The following BOK variants were observed in gnomAD, a reference collection of about 807,000 sequenced individuals.
BOK encodes the protein BCL2 family apoptosis regulator BOK.
A neutral mutation model predicts 18.3 loss-of-function variants in BOK; 20 were observed. The observed-to-expected ratio is 1.09, with a 90% CI of 0.77 to 1.59. BOK has a LOEUF of 1.59. Among genes scored for constraint, BOK ranks in the 40% most tolerant of loss-of-function variants. The pLI is 0.00. For synonymous variants in BOK, 173 were observed against 142.4 expected (o/e 1.21, Z -1.53); for missense variants, 348 against 307.9 (o/e 1.13, Z -0.97).
rs745887207 is a variant in BOK at position 241,570,283 on chromosome 2, G to A, written c.508G>A (p.Gly170Arg). ...GGCAACCTGGCTGCGGAGACGCGGCGGATGGGTGAGCGCCTGAGTGCCCGT... is the reference window on the plus strand; with the variant it reads ...GGCAACCTGGCTGCGGAGACGCGGCAGATGGGTGAGCGCCTGAGTGCCCGT... Reference protein sequence around the residue: ...TLATWLRRRGGWTDVLKCVVS... With the variant: ...TLATWLRRRGRWTDVLKCVVS... Residue 170 changes from glycine (G) to arginine (R), a missense_variant, in exon 4 of 5, where the codon GGA (glycine) becomes AGA (arginine). Gly to Arg is a moderately radical substitution (Grantham distance 125, BLOSUM62 -2). Coordinates refer to ENST00000318407, the MANE Select transcript of BOK (RefSeq NM_032515.5). 73 of 1,555,394 alleles carry A rather than the reference G, an allele frequency of 4.7e-5. No homozygotes were observed. In the East Asian group the frequency reaches 5.8e-4, roughly 12 times the overall value.
rs779048473 is a variant in BOK, at chr2:241,559,589, C to T, written c.106C>T (p.Arg36Trp). 5.3e-6 allele frequency: 8 copies of T among 1,508,560 alleles called. No homozygotes were observed. The South Asian group carries it at 6.2e-5, about 12-fold the overall frequency. 93.4% of individuals were successfully genotyped at this position (1,508,560 alleles called of 1,614,324 possible). Residue 36 changes from arginine (R) to tryptophan (W), a missense_variant, in exon 2 of 5, where the codon CGG becomes TGG. By Grantham distance (101) the Arg-to-Trp change is moderately radical. Coordinates refer to ENST00000318407, the MANE Select transcript of BOK (RefSeq NM_032515.5). ...GGTGGCCCAGGCCAAGGCGCTGGGC[C>T]GGGAGTACGTGCACGCGCGGCTGCT... Reference protein sequence around the residue: ...ELVAQAKALGREYVHARLLRA... With the variant: ...ELVAQAKALGWEYVHARLLRA...
At chr2:241,553,605 A>C (rs549501850) in intron 1 of BOK, among the ~76,000 whole-genome samples, 1 of 152,168 alleles carries the variant, frequency 6.6e-6, no homozygotes, top group Non-Finnish European at 1.5e-5. Flanking sequence ...GGAGGAAGAG[A>C]GTGAAGCGGA....
At chr2:241,561,303 A>G (rs986604958) in intron 2 of BOK, among the ~76,000 whole-genome samples, 10 of 152,248 alleles carry the variant, frequency 6.6e-5, no homozygotes, top group Non-Finnish European at 8.8e-5. Flanking sequence ...CACAGGCAGC[A>G]CTGGGGCGGT....
chr2:241,562,003 G>T lies in BOK; in HGVS notation c.221-345G>T, dbSNP rs982701160. 6.6e-6 allele frequency among the ~76,000 whole-genome samples: 1 copy of T among 152,230 alleles called. No individual in the cohort carries two copies. The highest frequency in any genetic ancestry group is 2.1e-4 in the South Asian group (1 of 4,838). ...TGGTCCCTCCTGCTCTGGGCAGCTC[G>T]GCTGCCTGTCGGCTGTGAGTCACCA... On this transcript the variant is annotated intron_variant, in intron 2 of 4. Coordinates refer to ENST00000318407, the MANE Select transcript of BOK (RefSeq NM_032515.5). This position sits in a 1 kb window ranked among gnomAD's most constrained non-coding sequence, Gnocchi z 4.5.
At chr2:241,563,437 C>T (rs1045569225) in intron 3 of BOK, among the ~76,000 whole-genome samples, 4 of 152,148 alleles carry the variant, frequency 2.6e-5, no homozygotes, top group Admixed American at 6.5e-5. Flanking sequence ...GTGAGTGGTG[C>T]GCCGGCCCTG....
intron 3 of BOK, among the ~76,000 whole-genome samples, chr2:241,567,711 G>A (rs757978463): frequency 1.5e-5 from 2 of 135,190 alleles, no homozygotes; most frequent in Admixed American, 7.4e-5. Flanking sequence ...TGAAGGACAC[G>A]GGAAGTCACA....
At position 241,569,322 on chromosome 2, in the gene BOK, A is replaced by ATG. The variant is rs144137351; in HGVS notation, c.350-803_350-802insTG. On this transcript the variant is annotated intron_variant, in intron 3 of 4. Transcript: ENST00000318407. Reference sequence around the variant, plus strand: ...AATTTTTTGTGTATTTTTAGTAGAGACGGTTTCACCATGTTGGTCAGGCTG... The same window carrying ATG: ...AATTTTTTGTGTATTTTTAGTAGAGATGCGGTTTCACCATGTTGGTCAGGCTG... Among the ~76,000 whole-genome samples, 213 of 104,014 alleles carry ATG rather than the reference A, an allele frequency of 2.0e-3. 1 individual carries two copies. The highest frequency in any genetic ancestry group is 9.2e-3 in the African/African-American group (199 of 21,674). 68.2% of individuals were successfully genotyped at this position (104,014 alleles called of 152,430 possible).
chr2:241,556,001 C>T (rs2066447688), upstream of BOK, among the ~76,000 whole-genome samples: 2 of 152,314 alleles, frequency 1.3e-5, no homozygotes, highest in South Asian at 2.1e-4. Context: ...GACAGAGGTA[C>T]TTCAGGAACC....
At chr2:241,559,032 G>A (rs1455644987) in intron 1 of BOK, 39 bp downstream of exon 1, 2 of 151,716 alleles carry the variant, frequency 1.3e-5, no homozygotes, top group East Asian at 1.9e-4. Flanking sequence ...CGGGGTGCCC[G>A]GGGTGCCACG....
At position 241,566,216 on chromosome 2, in the gene BOK, G is replaced by A. The variant is rs1245788918; in HGVS notation, c.349+3740G>A. Among the ~76,000 whole-genome samples the A allele has an allele frequency of 2.0e-5, 3 of 152,096 alleles. No individual in the cohort carries two copies. In the South Asian group the frequency reaches 6.2e-4, roughly 32 times the overall value. On this transcript the variant is annotated intron_variant, in intron 3 of 4. Transcript: ENST00000318407. Reference sequence around the variant, plus strand: ...GGAGAATCGCTTGAACCCGGGAGGCGCAGGTTGCGGTGAGCCGAGATTGTG... The same window carrying A: ...GGAGAATCGCTTGAACCCGGGAGGCACAGGTTGCGGTGAGCCGAGATTGTG...
intron 3 of BOK, among the ~76,000 whole-genome samples, chr2:241,569,330 A>G (rs2066667706): frequency 6.6e-6 from 1 of 151,298 alleles, no homozygotes; most frequent in African/African-American, 2.4e-5. Flanking sequence ...AGACGGTTTC[A>G]CCATGTTGGT....
upstream of BOK, among the ~76,000 whole-genome samples, chr2:241,556,238 GA>G (rs1559197583): frequency 6.6e-6 from 1 of 152,102 alleles, no homozygotes; most frequent in South Asian, 2.1e-4. Context: ...CAGCTTTTCT[GA>G]AAAAGCAGCT....
At chr2:241,553,897 C>T (rs1414443580), upstream of BOK, among the ~76,000 whole-genome samples, 1 of 152,180 alleles carries the variant, frequency 6.6e-6, no homozygotes, top group Non-Finnish European at 1.5e-5. Flanking sequence ...GGGAGGGGGG[C>T]TCTGGAAGCC....
intron 4 of BOK, among the ~76,000 whole-genome samples, chr2:241,571,412 G>A (rs1213605812): frequency 1.3e-5 from 2 of 149,878 alleles, no homozygotes; most frequent in African/African-American, 4.8e-5. Context: ...GTAAATCAGC[G>A]GCCAGGGGTG....
chr2:241,552,899 G>A (rs1241809295), intron 1 of BOK, among the ~76,000 whole-genome samples: 1 of 152,208 alleles, frequency 6.6e-6, no homozygotes, highest in African/African-American at 2.4e-5. Context: ...GCCAGCCTGG[G>A]GCACGTGCAG....
Position 241,559,445 on chromosome 2 carries a change from G to C in BOK, c.-29-10G>C. ...CCTCCCTCCACCCGGCTGAGCGCTT[G>C]TGCCCGCAGGTGCGGCGCCCCCCAC... On this transcript the variant is annotated splice_polypyrimidine_tract_variant and intron_variant, in intron 1 of 4. Coordinates refer to ENST00000318407, the MANE Select transcript of BOK (RefSeq NM_032515.5). The C allele has an allele frequency of 2.9e-6, 4 of 1,398,784 alleles. No homozygotes were observed. Among genetic ancestry groups the C allele is most frequent in the Non-Finnish European group, 3.7e-6 (4 of 1,078,520 alleles). 86.6% of individuals were successfully genotyped at this position (1,398,784 alleles called of 1,614,324 possible).
intron 4 of BOK, 93 bp from the exon 5 acceptor site, chr2:241,572,204 G>A: frequency 6.5e-7 from 1 of 1,543,186 alleles, no homozygotes. Flanking sequence ...CAATTTTGCT[G>A]ATATTCTGGT....
chr2:241,554,316 G>T (rs1228345565), upstream of BOK, among the ~76,000 whole-genome samples: 1 of 134,314 alleles, frequency 7.4e-6, no homozygotes, highest in Non-Finnish European at 1.6e-5. Flanking sequence ...GCTAGGCTGG[G>T]AGAATCCCAA....
At chr2:241,558,407 T>C (rs553190817), upstream of BOK, among the ~76,000 whole-genome samples, 7 of 152,346 alleles carry the variant, frequency 4.6e-5, no homozygotes, top group South Asian at 1.2e-3. Flanking sequence ...AGGAAGATAT[T>C]TGCAATAACT....
Sources: allele counts gnomAD v4.1 joint callset (sites outside exome capture counted in the v4.1 genomes callset), GRCh38; gene constraint gnomAD v4.1.1; non-coding constraint Gnocchi (gnomAD v3.1); transcripts MANE v1.5; gene names NCBI Gene and HGNC (gene_info 2026-07-23, HGNC 2026-07-21).